SAMTOR: variants seen among roughly 807,000 people sequenced by gnomAD.
SAMTOR encodes the protein S-adenosylmethionine sensor upstream of mTORC1.
chr7:112,894,330 C>A, the SAMTOR span, among the ~76,000 whole-genome samples: 1 of 152,020 alleles, frequency 6.6e-6, no homozygotes, highest in African/African-American at 2.4e-5. Flanking sequence ...TTATATGGTG[C>A]CCCTAAACAA....
At chr7:112,932,540 G>A in the SAMTOR span, among the ~76,000 whole-genome samples, 13 of 152,156 alleles carry the variant, frequency 8.5e-5, no homozygotes, top group Non-Finnish European at 1.8e-4. Context: ...TCTTCTGTGC[G>A]TGTGCCTTAA....
the SAMTOR span, chr7:112,822,088 T>C: frequency 5.0e-6 from 8 of 1,613,692 alleles, no homozygotes; most frequent in Non-Finnish European, 5.9e-6. Flanking sequence ...ATCTTCCAGC[T>C]TTTCATCATC....
the SAMTOR span, among the ~76,000 whole-genome samples, chr7:112,910,022 C>T: frequency 6.6e-6 from 1 of 151,740 alleles, no homozygotes; most frequent in Non-Finnish European, 1.5e-5. Context: ...AGTCTGATGC[C>T]AGGTCTCGAC....
the SAMTOR span, among the ~76,000 whole-genome samples, chr7:112,844,890 T>C: frequency 6.6e-6 from 1 of 152,070 alleles, no homozygotes; most frequent in South Asian, 2.1e-4. Context: ...ATGGTACTGG[T>C]AGACAGACGC....
the SAMTOR span, among the ~76,000 whole-genome samples, chr7:112,865,422 C>T: frequency 2.5e-4 from 38 of 151,828 alleles, no homozygotes; most frequent in African/African-American, 8.9e-4. Context: ...GGATTACAGG[C>T]ACACGCCACC....
the SAMTOR span, among the ~76,000 whole-genome samples, chr7:112,886,118 G>A: frequency 1.3e-5 from 2 of 152,114 alleles, no homozygotes; most frequent in African/African-American, 4.8e-5. Flanking sequence ...TTGGTATCAT[G>A]AGAACAACGG....
the SAMTOR span, among the ~76,000 whole-genome samples, chr7:112,928,720 T>C: frequency 6.6e-6 from 1 of 151,984 alleles, no homozygotes; most frequent in African/African-American, 2.4e-5. Flanking sequence ...TTCACAATAG[T>C]TACTGTTTTC....
At chr7:112,913,698 A>AT in the SAMTOR span, among the ~76,000 whole-genome samples, 1 of 152,006 alleles carries the variant, frequency 6.6e-6, no homozygotes, top group South Asian at 2.1e-4. Flanking sequence ...TCCCTCTGTC[A>AT]TTTTGCTCTG....
the SAMTOR span, among the ~76,000 whole-genome samples, chr7:112,854,194 T>TTAAA: frequency 6.6e-6 from 1 of 152,248 alleles, no homozygotes; most frequent in South Asian, 2.1e-4. Flanking sequence ...TTATTCTCAT[T>TTAAA]TATTTGGCAA....
the SAMTOR span, among the ~76,000 whole-genome samples, chr7:112,834,032 G>A: frequency 6.6e-6 from 1 of 152,108 alleles, no homozygotes; most frequent in African/African-American, 2.4e-5. Context: ...ACGACTGAAT[G>A]TCTACAGTTT....
the SAMTOR span, among the ~76,000 whole-genome samples, chr7:112,875,879 C>G: frequency 1.3e-5 from 2 of 152,138 alleles, no homozygotes; most frequent in Non-Finnish European, 2.9e-5. Context: ...TTCTCTCTTT[C>G]TATTTTATCA....
the SAMTOR span, among the ~76,000 whole-genome samples, chr7:112,921,387 T>A: frequency 4.6e-5 from 7 of 151,296 alleles, no homozygotes; most frequent in South Asian, 2.1e-4. Context: ...GAAAACTGGC[T>A]AGCCATATGT....
the SAMTOR span, among the ~76,000 whole-genome samples, chr7:112,906,453 C>G: frequency 6.6e-6 from 1 of 152,166 alleles, no homozygotes; most frequent in Non-Finnish European, 1.5e-5. Context: ...GACAAAATAC[C>G]TAGGAGTAAG....
At chr7:112,922,114 C>T in the SAMTOR span, among the ~76,000 whole-genome samples, 16 of 152,154 alleles carry the variant, frequency 1.1e-4, no homozygotes, top group Non-Finnish European at 2.4e-4. Flanking sequence ...CGCCGCCACG[C>T]CTGACTGGTT....
chr7:112,926,038 C>T, the SAMTOR span, among the ~76,000 whole-genome samples: 8 of 152,150 alleles, frequency 5.3e-5, no homozygotes, highest in Non-Finnish European at 8.8e-5. Flanking sequence ...TTCTTATCCC[C>T]ATTAACTGAG....
the SAMTOR span, among the ~76,000 whole-genome samples, chr7:112,860,086 C>CT: frequency 6.6e-6 from 1 of 152,052 alleles, no homozygotes; most frequent in Admixed American, 6.6e-5. Context: ...TCTATGGTGC[C>CT]TTTTCTATGT....
the SAMTOR span, chr7:112,820,946 C>T: frequency 6.6e-6 from 1 of 152,310 alleles, no homozygotes; most frequent in African/African-American, 2.4e-5. Flanking sequence ...TTGTTCCTTG[C>T]TTAAATAAAA....
At chr7:112,906,345 T>C in the SAMTOR span, among the ~76,000 whole-genome samples, 1 of 152,214 alleles carries the variant, frequency 6.6e-6, no homozygotes, top group Non-Finnish European at 1.5e-5. Flanking sequence ...TACCATTGTA[T>C]GTAGTCCATA....
the SAMTOR span, among the ~76,000 whole-genome samples, chr7:112,825,853 G>GT: frequency 0.016 from 2,296 of 139,416 alleles, 41 homozygotes; most frequent in African/African-American, 0.046. Flanking sequence ...TAAATTCTGA[G>GT]TTTTTTTTTT....
Sources: allele counts gnomAD v4.1 joint callset (sites outside exome capture counted in the v4.1 genomes callset), GRCh38; gene constraint gnomAD v4.1.1; transcripts MANE v1.5; gene names NCBI Gene and HGNC (gene_info 2026-07-23, HGNC 2026-07-21).